The following NDE1 variants were observed in gnomAD, a reference collection of about 807,000 sequenced individuals.
NDE1 encodes nuclear distribution protein nudE homolog 1.
NDE1 carries 28 observed loss-of-function variants against 43.4 expected under a neutral mutation model. The observed-to-expected ratio is 0.65, with a 90% CI of 0.48 to 0.89. The LOEUF is 0.89. Ranked by LOEUF, NDE1 falls within the 40% of genes least tolerant of loss-of-function variation. NDE1 has a pLI of 0.00. For synonymous variants in NDE1, 184 were observed against 172.0 expected (o/e 1.07, Z -0.55); for missense variants, 441 against 434.1 (o/e 1.02, Z -0.14).
At chr16:15,710,608 C>A (rs1449061899) in intron 8 of NDE1, among the ~76,000 whole-genome samples, 1 of 152,008 alleles carries the variant, frequency 6.6e-6, no homozygotes, top group African/African-American at 2.4e-5. Flanking sequence ...GTGGCTGTAT[C>A]CCCATCGCTC....
intron 4 of NDE1, chr16:15,686,894 C>T (rs1465876098): frequency 1.2e-6 from 1 of 818,162 alleles, no homozygotes; most frequent in Admixed American, 6.3e-5. Flanking sequence ...TTGCCATTTG[C>T]CCAAGCTTGC....
At chr16:15,722,841 T>TC (rs2040556686) in intron 8 of NDE1, among the ~76,000 whole-genome samples, 1 of 152,154 alleles carries the variant, frequency 6.6e-6, no homozygotes, top group South Asian at 2.1e-4. Context: ...CACCCTGGGT[T>TC]CAAGCGATTC....
intron 8 of NDE1, chr16:15,717,064 G>T: frequency 6.8e-7 from 1 of 1,472,212 alleles, no homozygotes; most frequent in Admixed American, 1.7e-5. Context: ...GCTGGAAGAG[G>T]TTCCCTGACT....
chr16:15,647,294 T>A (rs1596532337), upstream of NDE1, among the ~76,000 whole-genome samples: 1 of 152,154 alleles, frequency 6.6e-6, no homozygotes, highest in East Asian at 1.9e-4. Flanking sequence ...GGGTGGGAGA[T>A]CCTGTAATAG....
intron 8 of NDE1, among the ~76,000 whole-genome samples, chr16:15,723,008 T>C (rs535493308): frequency 1.5e-4 from 23 of 152,166 alleles, no homozygotes; most frequent in African/African-American, 5.3e-4. Flanking sequence ...CCTCCCAAAG[T>C]GCTAGGATTA....
At chr16:15,709,843 A>C (rs1200504383) in intron 8 of NDE1, among the ~76,000 whole-genome samples, 1 of 152,158 alleles carries the variant, frequency 6.6e-6, no homozygotes, top group East Asian at 1.9e-4. Context: ...GCCTCTAGCA[A>C]GAGAGGAGAG....
chr16:15,674,474 C>G (rs2037764275), intron 3 of NDE1, among the ~76,000 whole-genome samples: 1 of 152,000 alleles, frequency 6.6e-6, no homozygotes, highest in Non-Finnish European at 1.5e-5. Flanking sequence ...GTCTTGAACT[C>G]CTGACCTCAG....
intron 8 of NDE1, among the ~76,000 whole-genome samples, chr16:15,715,847 C>T (rs776325614): frequency 3.3e-5 from 5 of 152,048 alleles, no homozygotes; most frequent in Non-Finnish European, 7.4e-5. Context: ...AGTCTCTGGC[C>T]AGGCGTGGTG....
chr16:15,686,504 C>G (rs961096676), intron 4 of NDE1: 41 of 985,244 alleles, frequency 4.2e-5, no homozygotes, highest in Non-Finnish European at 4.8e-5. Context: ...TAAATATGAT[C>G]TCTTCCACCT....
chr16:15,688,864 A>C (rs1162561701), intron 5 of NDE1, among the ~76,000 whole-genome samples: 1 of 150,838 alleles, frequency 6.6e-6, no homozygotes, highest in Admixed American at 6.6e-5. Flanking sequence ...TGCCTGGCTA[A>C]TTTTTATATT....
rs542196225 is a variant in NDE1 at position 15,690,089 on chromosome 16, G to A, written c.524-1055G>A. On this transcript the variant is annotated intron_variant, in intron 5 of 8. Transcript: ENST00000396354. ...ACAGTCTTGCTCTGTCACACAGGCT[G>A]GAGTGCAGTGGCGTGATCTCAGCTC... is the stretch of plus-strand genomic sequence containing the variant. 1.8e-3 allele frequency among the ~76,000 whole-genome samples: 281 copies of A among 152,104 alleles called. 2 individuals carry two copies. The highest frequency in any genetic ancestry group is 6.6e-3 in the African/African-American group (272 of 41,506).
In NDE1 at chr16:15,725,564, G is replaced by A. The variant is rs889071659; in HGVS notation, c.*1313G>A. ...AGTGTCTCTGCATAAGTCCCTTTGA[G>A]GCTGTTAGCCTACCCCTCCATCTCT... On this transcript the variant is annotated 3_prime_UTR_variant, in exon 9 of 9. Coordinates refer to ENST00000396354, the MANE Select transcript of NDE1 (RefSeq NM_017668.3). 9.8e-6 allele frequency: 4 copies of A among 407,968 alleles called. No individual in the cohort carries two copies. The East Asian group carries it at 1.0e-4, about 11-fold the overall frequency. 25.3% of individuals were successfully genotyped at this position (407,968 alleles called of 1,614,324 possible). A position where few individuals can be genotyped will look rare whatever the true frequency, so the allele number is the denominator to read the frequency against.
At chr16:15,688,762 T>C (rs1404588065) in intron 5 of NDE1, among the ~76,000 whole-genome samples, 2 of 131,940 alleles carry the variant, frequency 1.5e-5, no homozygotes, top group Non-Finnish European at 3.1e-5. Flanking sequence ...GCAGTGGTGC[T>C]ATCTCTGCTC....
intron 8 of NDE1, chr16:15,715,370 C>T: frequency 9.3e-7 from 1 of 1,080,250 alleles, no homozygotes; most frequent in Non-Finnish European, 1.4e-6. Context: ...CTTTCCTGAG[C>T]CCCGTATCTG....
chr16:15,725,376 C>CT lies in NDE1; in HGVS notation c.*1126dup, dbSNP rs1404313847. Reference sequence around the variant, plus strand: ...CGAGGTGCTCTGGCTGGTCCACTCTCTAAGGCTGGAGAAGGGAGACCAGGA... The same window carrying CT: ...CGAGGTGCTCTGGCTGGTCCACTCTCTTAAGGCTGGAGAAGGGAGACCAGGA... On this transcript the variant is annotated 3_prime_UTR_variant, in exon 9 of 9. Transcript: ENST00000396354. 7.4e-6 allele frequency: 4 copies of CT among 541,814 alleles called. No homozygotes were observed. The highest frequency in any genetic ancestry group is 3.6e-5 in the Admixed American group (1 of 27,830). The allele number at this position is 541,814 out of a possible 1,614,324, so 33.6% of individuals were successfully genotyped here. A position where few individuals can be genotyped will look rare whatever the true frequency, so the allele number is the denominator to read the frequency against.
At chr16:15,664,139 AG>A (rs1424271718) in intron 1 of NDE1, among the ~76,000 whole-genome samples, 2 of 152,058 alleles carry the variant, frequency 1.3e-5, no homozygotes, top group African/African-American at 2.4e-5. Context: ...TCCCTCCACC[AG>A]ACTGTGAGGC....
At chr16:15,709,979 C>T (rs2039686488) in intron 8 of NDE1, among the ~76,000 whole-genome samples, 1 of 152,174 alleles carries the variant, frequency 6.6e-6, no homozygotes, top group Non-Finnish European at 1.5e-5. Context: ...GTGAAACTCG[C>T]ACTACAGTTC....
At chr16:15,695,545 C>T (rs1365010802) in intron 7 of NDE1, 8 of 983,906 alleles carry the variant, frequency 8.1e-6, no homozygotes, top group Non-Finnish European at 9.6e-6. Flanking sequence ...AGAATTTGGC[C>T]TTTCAGCTTT....
chr16:15,694,682 C>T (rs962352056), intron 7 of NDE1: 5 of 985,132 alleles, frequency 5.1e-6, no homozygotes, highest in Middle Eastern at 5.2e-4. Context: ...TTAGGTGTGG[C>T]TGCTCCTTTA....
Sources: allele counts gnomAD v4.1 joint callset (sites outside exome capture counted in the v4.1 genomes callset), GRCh38; gene constraint gnomAD v4.1.1; transcripts MANE v1.5; gene names NCBI Gene and HGNC (gene_info 2026-07-23, HGNC 2026-07-21).